STT3B: variants seen among roughly 807,000 people sequenced by gnomAD.
STT3B encodes STT3 oligosaccharyltransferase complex catalytic subunit B.
Under a neutral mutation model 96.8 loss-of-function variants are expected in STT3B, and 29 were observed. That is an observed-to-expected ratio of 0.30 (90% confidence interval 0.22 to 0.41). The LOEUF is 0.41. Ranked by LOEUF, STT3B falls within the 10% of genes least tolerant of loss-of-function variation. The probability of loss-of-function intolerance (pLI) is 1.00; values close to 1 mark genes in which losing one functional copy is unlikely to be tolerated. For missense variants in STT3B, 640 were observed against 1,022.3 expected, an observed-to-expected ratio of 0.63 and a Z score of 5.10; for synonymous variants, 367 against 360.0, an observed-to-expected ratio of 1.02 and a Z score of -0.22.
chr3:31,613,927 G>A (rs4955106), intron 5 of STT3B, among the ~76,000 whole-genome samples: 139,765 of 151,958 alleles, frequency 0.92, 64,454 homozygotes, highest in East Asian at 0.96. Context: ...CTTGAGGTCA[G>A]TGGAAACTTT....
chr3:31,606,666 G>A (rs1222158242), intron 5 of STT3B, among the ~76,000 whole-genome samples: 2 of 152,196 alleles, frequency 1.3e-5, no homozygotes, highest in Admixed American at 1.3e-4. Context: ...GGAGAGGTGG[G>A]GCCCTCAAAG....
Position 31,596,834 on chromosome 3 carries a change from A to T in STT3B, c.748A>T (p.Met250Leu). The part of the protein sequence containing the change: ...SVKTGSVFWT[M>L]CCCLSYFYMV... ...AAAAACTGGGTCAGTTTTTTGGACA[A>T]TGTGCTGCTGCTTATCCTATTTCTA... The change falls in exon 4 of 16, where the codon ATG (methionine) becomes TTG (leucine). Residue 250 changes from methionine (M) to leucine (L), a missense_variant. By Grantham distance (15) the Met-to-Leu change is conservative. Transcript: ENST00000295770. 6.2e-7 allele frequency: 1 copy of T among 1,613,006 alleles called. No homozygotes were observed. Among genetic ancestry groups the T allele is most frequent in the South Asian group, 1.1e-5 (1 of 90,992 alleles).
intron 1 of STT3B, among the ~76,000 whole-genome samples, chr3:31,575,344 C>G (rs1013658979): frequency 2.6e-5 from 4 of 151,820 alleles, no homozygotes; most frequent in African/African-American, 7.3e-5. Context: ...TAATATAACT[C>G]TGGGTTATAT....
chr3:31,618,476 T>G (rs1303637906), intron 8 of STT3B, among the ~76,000 whole-genome samples: 1 of 151,936 alleles, frequency 6.6e-6, no homozygotes, highest in Non-Finnish European at 1.5e-5. Context: ...TAAAGTGCTG[T>G]TATAAAATGA....
rs193247085 is a variant in STT3B, at chr3:31,589,060, A to G, written c.712-7738A>G. On this transcript the variant is annotated intron_variant, in intron 3 of 15. Transcript: ENST00000295770. ...GTTATCTTAACAACATTGTCTTCCT[A>G]TCATAAACATGGAATATCTCTCTGT... Among the ~76,000 whole-genome samples, 11 of 152,206 alleles carry G rather than the reference A, an allele frequency of 7.2e-5. No homozygotes were observed. In the East Asian group the frequency reaches 7.7e-4, roughly 11 times the overall value.
intron 13 of STT3B, 62 bp downstream of exon 13, chr3:31,626,189 C>A: frequency 7.0e-7 from 1 of 1,418,516 alleles, no homozygotes; most frequent in Non-Finnish European, 9.8e-7. Context: ...GTAATTCTCT[C>A]ATCTTGCTAA....
intron 1 of STT3B, among the ~76,000 whole-genome samples, chr3:31,541,488 G>A (rs1384060817): frequency 2.6e-5 from 1 of 38,162 alleles, no homozygotes; most frequent in Admixed American, 2.8e-4. Flanking sequence ...TTTTTTTTTT[G>A]GCTGAGCATT....
At position 31,623,628 on chromosome 3, in the gene STT3B, A is replaced by T; in HGVS notation, c.1540-46A>T. ...TTTCCATTGAGTATCTTAATGAAGC[A>T]AGTCAAATAATGAATTTGTCTAACC... On this transcript the variant is annotated intron_variant, in intron 10 of 15. Coordinates refer to ENST00000295770, the MANE Select transcript of STT3B (RefSeq NM_178862.3). 2.8e-6 allele frequency: 4 copies of T among 1,421,708 alleles called. 1 individual carries two copies. Among genetic ancestry groups the T allele is most frequent in the South Asian group, 2.7e-5 (2 of 73,276 alleles). 88.1% of individuals were successfully genotyped at this position (1,421,708 alleles called of 1,614,324 possible).
At chr3:31,565,480 C>T (rs968782883) in intron 1 of STT3B, among the ~76,000 whole-genome samples, 10 of 152,152 alleles carry the variant, frequency 6.6e-5, no homozygotes, top group Non-Finnish European at 1.0e-4. Flanking sequence ...TACTCATAAC[C>T]TTGTAAGAAC....
chr3:31,620,679 A>G (rs988203837), intron 9 of STT3B, among the ~76,000 whole-genome samples: 4 of 152,262 alleles, frequency 2.6e-5, no homozygotes, highest in African/African-American at 9.6e-5. Context: ...AGGCTTCTAC[A>G]TGATTTAATC....
chr3:31,611,359 T>C (rs561726488), intron 5 of STT3B, among the ~76,000 whole-genome samples: 1 of 152,372 alleles, frequency 6.6e-6, no homozygotes, highest in Admixed American at 6.5e-5. Context: ...TAATGGGATT[T>C]TCTGTTTTTA....
intron 1 of STT3B, among the ~76,000 whole-genome samples, chr3:31,567,053 T>C (rs1413828448): frequency 6.6e-6 from 1 of 152,236 alleles, no homozygotes; most frequent in Non-Finnish European, 1.5e-5. Context: ...AAAGCTGTGC[T>C]GTCAAACTGT....
At chr3:31,542,141 A>G (rs573868392) in intron 1 of STT3B, among the ~76,000 whole-genome samples, 6 of 152,288 alleles carry the variant, frequency 3.9e-5, no homozygotes, top group Non-Finnish European at 5.9e-5. Flanking sequence ...GGTGGGAGAG[A>G]AGAGAGAGAC....
chr3:31,610,742 A>T (rs1699163382), intron 5 of STT3B, among the ~76,000 whole-genome samples: 1 of 152,204 alleles, frequency 6.6e-6, no homozygotes, highest in Admixed American at 6.5e-5. Context: ...TCTGTCCCAG[A>T]TGAGAGATTT....
intron 1 of STT3B, among the ~76,000 whole-genome samples, chr3:31,563,238 A>G (rs965194487): frequency 1.3e-5 from 2 of 152,192 alleles, no homozygotes; most frequent in African/African-American, 4.8e-5. Context: ...CTAGTCAACT[A>G]TCTTCAGCAT....
At chr3:31,561,239 G>C (rs1314119316) in intron 1 of STT3B, among the ~76,000 whole-genome samples, 1 of 148,394 alleles carries the variant, frequency 6.7e-6, no homozygotes, top group Admixed American at 6.7e-5. Context: ...TTCTTTTTCT[G>C]GGATTTTGTG....
intron 1 of STT3B, among the ~76,000 whole-genome samples, chr3:31,567,145 T>G (rs1698025371): frequency 6.6e-6 from 1 of 152,148 alleles, no homozygotes; most frequent in Non-Finnish European, 1.5e-5. Flanking sequence ...AGATAGAAAC[T>G]TTAGTTAACC....
chr3:31,615,041 A>AT, intron 5 of STT3B, 64 bp from the exon 6 acceptor site: 1 of 964,958 alleles, frequency 1.0e-6, no homozygotes. Flanking sequence ...TTACATATAC[A>AT]TTTATGTTTT....
rs1285934627 is a variant in STT3B at position 31,595,567 on chromosome 3, G to C, written c.712-1231G>C. 2.0e-5 allele frequency among the ~76,000 whole-genome samples: 3 copies of C among 151,988 alleles called. No individual in the cohort carries two copies. The East Asian group carries it at 5.8e-4, about 29-fold the overall frequency. ...ATACCTACCTCTATTATAACACTTT[G>C]TATATAGTACCTTTCATCAATCCTA... On this transcript the variant is annotated intron_variant, in intron 3 of 15. Transcript: ENST00000295770.
Sources: allele counts gnomAD v4.1 joint callset (sites outside exome capture counted in the v4.1 genomes callset), GRCh38; gene constraint gnomAD v4.1.1; transcripts MANE v1.5; gene names NCBI Gene and HGNC (gene_info 2026-07-23, HGNC 2026-07-21).